The following PAWR variants were observed in gnomAD, a reference collection of about 807,000 sequenced individuals.
The protein encoded by PAWR is pro-apoptotic WT1 regulator, also known as PRKC apoptosis WT1 regulator protein.
A neutral mutation model predicts 32.0 loss-of-function variants in PAWR; 23 were observed. The observed-to-expected ratio is 0.72, with a 90% CI of 0.52 to 1.02. The LOEUF is 1.02. Among genes scored for constraint, PAWR ranks in the 50% least tolerant of loss-of-function variants. The pLI is 0.00. For missense variants in PAWR, 457 were observed against 437.7 expected (o/e 1.04, Z -0.39); for synonymous variants, 226 against 187.1 (o/e 1.21, Z -1.70).
chr12:79,592,878 C>T (rs1012927648), intron 6 of PAWR, among the ~76,000 whole-genome samples, 185 bp from the exon 7 acceptor site: 15 of 152,164 alleles, frequency 9.9e-5, no homozygotes, highest in African/African-American at 3.6e-4. Flanking sequence ...ACTCTTCGTT[C>T]TTACAACAAG....
chr12:79,621,021 T>C (rs893533464), intron 3 of PAWR, 55 bp downstream of exon 3: 4 of 1,362,174 alleles, frequency 2.9e-6, no homozygotes, highest in Non-Finnish European at 3.0e-6. Flanking sequence ...AGAGGCATAA[T>C]TGAAAAATTG....
At chr12:79,681,642 T>G (rs1878452992) in intron 2 of PAWR, among the ~76,000 whole-genome samples, 1 of 152,220 alleles carries the variant, frequency 6.6e-6, no homozygotes, top group Non-Finnish European at 1.5e-5. Context: ...TAACAGGTTT[T>G]TCTACCTTTC....
chr12:79,666,347 T>C (rs770935447), intron 2 of PAWR, among the ~76,000 whole-genome samples: 1 of 152,208 alleles, frequency 6.6e-6, no homozygotes, highest in Non-Finnish European at 1.5e-5. Flanking sequence ...AATTTCTCTA[T>C]ATAAAATATT....
intron 2 of PAWR, among the ~76,000 whole-genome samples, chr12:79,627,529 A>T (rs1875397542): frequency 6.6e-6 from 1 of 152,014 alleles, no homozygotes; most frequent in Non-Finnish European, 1.5e-5. Flanking sequence ...ATTTTCTCCC[A>T]TTCTGTAGGT....
In PAWR at chr12:79,591,578, T is replaced by C. The variant is rs1486911849; in HGVS notation, c.*1029A>G. ...TAGAAGTAACTCTGTTTTTAAAATT[T>C]CAATGTTAGGAAGAAAATCCCTTAA... On this transcript the variant is annotated 3_prime_UTR_variant, in exon 7 of 7. Transcript: ENST00000328827. 1.3e-5 allele frequency: 2 copies of C among 152,270 alleles called. No individual in the cohort carries two copies. The highest frequency in any genetic ancestry group is 3.9e-4 in the East Asian group (2 of 5,190). The allele number at this position is 152,270 out of a possible 1,614,324, so 9.4% of individuals were successfully genotyped here.
intron 2 of PAWR, among the ~76,000 whole-genome samples, chr12:79,652,338 G>A (rs1394607999): frequency 1.3e-5 from 2 of 152,106 alleles, no homozygotes; most frequent in African/African-American, 4.8e-5. Context: ...CCTTTCAACA[G>A]CATTAGTGGA....
chr12:79,660,920 T>G (rs1877318732), intron 2 of PAWR, among the ~76,000 whole-genome samples: 1 of 151,506 alleles, frequency 6.6e-6, no homozygotes, highest in African/African-American at 2.4e-5. Flanking sequence ...TTATATAGAC[T>G]ACAGAATATA....
chr12:79,592,714 C>G, intron 6 of PAWR, 21 bp from the exon 7 acceptor site: 2 of 718,040 alleles, frequency 2.8e-6, no homozygotes, highest in Non-Finnish European at 5.0e-6. Context: ...AAAAAAGACA[C>G]TTTAAAAATA....
At chr12:79,660,426 G>A (rs901590851) in intron 2 of PAWR, among the ~76,000 whole-genome samples, 5 of 152,202 alleles carry the variant, frequency 3.3e-5, no homozygotes, top group Admixed American at 2.6e-4. Flanking sequence ...AGAGAAGTGT[G>A]TTATAAGAAG....
chr12:79,664,935 T>C (rs1316311002), intron 2 of PAWR, among the ~76,000 whole-genome samples: 1 of 152,160 alleles, frequency 6.6e-6, no homozygotes, highest in Non-Finnish European at 1.5e-5. Context: ...CATTTACAAC[T>C]ACACAACATC....
At chr12:79,672,046 C>A (rs1472202866) in intron 2 of PAWR, among the ~76,000 whole-genome samples, 2 of 152,142 alleles carry the variant, frequency 1.3e-5, no homozygotes, top group Non-Finnish European at 2.9e-5. Context: ...GATTGCTCTG[C>A]TTCTCACAGA....
In PAWR at chr12:79,587,189, C is replaced by A. The variant is rs1205360936; in HGVS notation, c.*5418G>T. On this transcript the variant is annotated 3_prime_UTR_variant, in exon 7 of 7. Transcript: ENST00000328827. ...AATTTACTGGCTTGCTAGTGGAATA[C>A]GTCCTTATATAGGGACTTGAAGAGT... 1.3e-5 allele frequency: 2 copies of A among 151,968 alleles called. No individual in the cohort carries two copies. The highest frequency in any genetic ancestry group is 6.6e-5 in the Admixed American group (1 of 15,264). 9.4% of individuals were successfully genotyped at this position (151,968 alleles called of 1,614,324 possible).
At chr12:79,640,651 G>C (rs1010674633) in intron 2 of PAWR, among the ~76,000 whole-genome samples, 1 of 152,152 alleles carries the variant, frequency 6.6e-6, no homozygotes, top group Non-Finnish European at 1.5e-5. Flanking sequence ...TGAGGTAGGA[G>C]GATCACTTGG....
chr12:79,614,273 G>C (rs1030143784), intron 3 of PAWR, among the ~76,000 whole-genome samples: 2 of 151,354 alleles, frequency 1.3e-5, no homozygotes, highest in African/African-American at 4.8e-5. Flanking sequence ...GCCTCCCAAA[G>C]TGCTGGGATT....
intron 4 of PAWR, 178 bp from the exon 5 acceptor site, chr12:79,596,836 G>C: frequency 1.9e-6 from 1 of 513,414 alleles, no homozygotes. Context: ...AAATGTAAAA[G>C]TACCATTAAT....
chr12:79,605,654 GC>G (rs1874148749), intron 4 of PAWR, among the ~76,000 whole-genome samples: 1 of 151,870 alleles, frequency 6.6e-6, no homozygotes, highest in Admixed American at 6.6e-5. Context: ...TTTCATATAG[GC>G]AAAAAGTGTA....
chr12:79,673,492 G>C (rs1421164303), intron 2 of PAWR, among the ~76,000 whole-genome samples: 1 of 152,202 alleles, frequency 6.6e-6, no homozygotes, highest in African/African-American at 2.4e-5. Flanking sequence ...AGTTTCACCT[G>C]AGCCTTGCTT....
chr12:79,679,397 C>G (rs1378235853), intron 2 of PAWR, among the ~76,000 whole-genome samples: 3 of 151,916 alleles, frequency 2.0e-5, no homozygotes, highest in African/African-American at 4.8e-5. Context: ...TTTGGTGACA[C>G]TGGTACAAAA....
intron 3 of PAWR, among the ~76,000 whole-genome samples, chr12:79,617,708 A>G (rs1162844508): frequency 2.0e-5 from 3 of 152,202 alleles, no homozygotes; most frequent in Admixed American, 6.5e-5. Flanking sequence ...ATCAAATTAG[A>G]GTAATTAGCA....
Sources: gnomAD v4.1 joint callset for allele counts (sites outside exome capture counted in the v4.1 genomes callset) on GRCh38, gnomAD v4.1.1 for gene constraint, MANE v1.5 for transcripts, NCBI Gene and HGNC (gene_info 2026-07-23, HGNC 2026-07-21) for gene names.